Variants in CAST observed in about 807,000 individuals in gnomAD.
CAST encodes calpastatin, also known as MIR583 host.
A neutral mutation model predicts 119.6 loss-of-function variants in CAST; 76 were observed. The ratio of observed to expected loss-of-function variants is 0.64; its 90% CI spans 0.53 to 0.77. CAST has a LOEUF of 0.77. Among genes scored for constraint, CAST ranks in the 30% least tolerant of loss-of-function variants. The pLI, the probability that CAST is intolerant of heterozygous loss-of-function variation, is 0.00. For synonymous variants in CAST, 319 were observed against 331.6 expected (o/e 0.96, Z 0.41); for missense variants, 953 against 946.5 (o/e 1.01, Z -0.09).
At chr5:96,716,993 T>C (rs1757298800) in intron 3 of CAST, among the ~76,000 whole-genome samples, 1 of 152,244 alleles carries the variant, frequency 6.6e-6, no homozygotes, top group South Asian at 2.1e-4. Flanking sequence ...AAGTGTGTTC[T>C]TGATTCCAGC....
At chr5:96,483,846 A>C in the CAST span, among the ~76,000 whole-genome samples, 1 of 152,186 alleles carries the variant, frequency 6.6e-6, no homozygotes, top group Non-Finnish European at 1.5e-5. Flanking sequence ...GAGAAGTTAA[A>C]TGATTTTCCA....
chr5:96,135,092 G>A, the CAST span, among the ~76,000 whole-genome samples: 2 of 152,184 alleles, frequency 1.3e-5, no homozygotes, highest in Non-Finnish European at 2.9e-5. Flanking sequence ...TATTGAGAGT[G>A]GGTGGTACAG....
At chr5:96,599,974 A>AAAAAAAAAAAAAAAC (rs1460109288) in intron 1 of CAST, among the ~76,000 whole-genome samples, 1 of 125,674 alleles carries the variant, frequency 8.0e-6, no homozygotes, top group African/African-American at 2.7e-5. Flanking sequence ...GGCAAAAAAA[A>AAAAAAAAAAAAAAAC]AAAAAAAAAC....
chr5:96,364,146 C>T, the CAST span, among the ~76,000 whole-genome samples: 10 of 152,268 alleles, frequency 6.6e-5, no homozygotes, highest in Admixed American at 5.2e-4. Flanking sequence ...TACTGATTTT[C>T]GTATGTTGAA....
chr5:96,153,052 T>C, the CAST span, among the ~76,000 whole-genome samples: 2 of 152,232 alleles, frequency 1.3e-5, no homozygotes, highest in Admixed American at 6.5e-5. Flanking sequence ...GACCTTAAGA[T>C]AGGCTCTTTG....
chr5:96,506,029 A>G, the CAST span, among the ~76,000 whole-genome samples: 1 of 152,218 alleles, frequency 6.6e-6, no homozygotes, highest in Non-Finnish European at 1.5e-5. Context: ...TATTTCTGCT[A>G]CCTACAAGTT....
At chr5:96,378,017 A>C in the CAST span, among the ~76,000 whole-genome samples, 1 of 152,156 alleles carries the variant, frequency 6.6e-6, no homozygotes, top group Non-Finnish European at 1.5e-5. Flanking sequence ...GACCATATGG[A>C]CGAACCTGGG....
At chr5:96,043,042 GA>G in the CAST span, among the ~76,000 whole-genome samples, 1 of 151,758 alleles carries the variant, frequency 6.6e-6, no homozygotes, top group Non-Finnish European at 1.5e-5. Flanking sequence ...AAATTAAAAT[GA>G]AAAAAAGTCT....
At chr5:96,558,642 C>T (rs534625867) in intron 1 of CAST, among the ~76,000 whole-genome samples, 2 of 152,158 alleles carry the variant, frequency 1.3e-5, no homozygotes, top group Non-Finnish European at 2.9e-5. Flanking sequence ...CATACACCCT[C>T]CCAAGACTAA....
At chr5:96,352,147 A>G in the CAST span, among the ~76,000 whole-genome samples, 1 of 152,156 alleles carries the variant, frequency 6.6e-6, no homozygotes, top group Non-Finnish European at 1.5e-5. Context: ...CCTTTCTCCA[A>G]GGTGCTTAAG....
At chr5:96,296,468 G>A in the CAST span, among the ~76,000 whole-genome samples, 6 of 152,040 alleles carry the variant, frequency 3.9e-5, no homozygotes, top group Non-Finnish European at 7.4e-5. Flanking sequence ...TTACTTTATG[G>A]TTGTTGTCAT....
At chr5:96,548,549 G>C (rs1465446040) in intron 1 of CAST, among the ~76,000 whole-genome samples, 1 of 151,968 alleles carries the variant, frequency 6.6e-6, no homozygotes, top group Non-Finnish European at 1.5e-5. Context: ...CCTTGTGTTT[G>C]GCTGTTAAGT....
the CAST span, among the ~76,000 whole-genome samples, chr5:96,249,206 C>T: frequency 5.3e-5 from 8 of 151,904 alleles, no homozygotes; most frequent in Non-Finnish European, 1.0e-4. Flanking sequence ...GGTTATCTGC[C>T]GTCATTATTT....
At chr5:96,158,286 G>A in the CAST span, among the ~76,000 whole-genome samples, 1 of 152,178 alleles carries the variant, frequency 6.6e-6, no homozygotes, top group Non-Finnish European at 1.5e-5. Context: ...AAGACTTACA[G>A]CAAATTTTAT....
the CAST span, among the ~76,000 whole-genome samples, chr5:96,150,217 A>T: frequency 6.6e-6 from 1 of 152,210 alleles, no homozygotes; most frequent in African/African-American, 2.4e-5. Context: ...AGTAGGTGTC[A>T]AGTCCCTTGG....
the CAST span, among the ~76,000 whole-genome samples, chr5:96,367,114 C>T: frequency 0.076 from 11,628 of 152,188 alleles, 1,426 homozygotes; most frequent in African/African-American, 0.26. Context: ...TTTGCCTGGG[C>T]ATCAGCAGTG....
the CAST span, among the ~76,000 whole-genome samples, chr5:96,358,196 T>C: frequency 3.9e-5 from 6 of 152,286 alleles, no homozygotes; most frequent in Non-Finnish European, 8.8e-5. Context: ...TCATTTTTTA[T>C]TGTGTCTATT....
At position 96,675,471 on chromosome 5, in the gene CAST, T is replaced by C. The variant is rs1242616378; in HGVS notation, c.76-68T>C. 3 of 1,118,102 alleles carry C rather than the reference T, an allele frequency of 2.7e-6. No homozygotes were observed. The African/African-American group carries it at 4.6e-5, about 17-fold the overall frequency. The allele number at this position is 1,118,102 out of a possible 1,614,324, so 69.3% of individuals were successfully genotyped here. A position where few individuals can be genotyped will look rare whatever the true frequency, so the allele number is the denominator to read the frequency against. On this transcript the variant is annotated intron_variant, in intron 1 of 31. Transcript: ENST00000675179. ...TAAAAAAGGGTATGCATTTAGCCTT[T>C]GGGGATTAAAGTTACTGTCATCTGT...
chr5:96,580,672 C>A (rs562941422), intron 1 of CAST, among the ~76,000 whole-genome samples: 1 of 152,288 alleles, frequency 6.6e-6, no homozygotes, highest in African/African-American at 2.4e-5. Context: ...AAGGCCCTGC[C>A]TTATACGGAT....
Sources: allele counts gnomAD v4.1 joint callset (sites outside exome capture counted in the v4.1 genomes callset), GRCh38; gene constraint gnomAD v4.1.1; transcripts MANE v1.5; gene names NCBI Gene and HGNC (gene_info 2026-07-23, HGNC 2026-07-21).